WWP2: variants seen among roughly 807,000 people sequenced by gnomAD.
WWP2 encodes NEDD4-like E3 ubiquitin-protein ligase WWP2.
A neutral mutation model predicts 121.0 loss-of-function variants in WWP2; 57 were observed. That is an observed-to-expected ratio of 0.47 (90% CI 0.38 to 0.59). The LOEUF (loss-of-function observed/expected upper bound fraction) is 0.59, where lower values mean the gene tolerates loss of function less well. Ranked by LOEUF, WWP2 falls within the 20% of genes least tolerant of loss-of-function variation. The pLI is 0.00. For missense variants in WWP2, 962 were observed against 1,158.9 expected (o/e 0.83, Z 2.47); for synonymous variants, 449 against 441.3 (o/e 1.02, Z -0.22).
chr16:69,885,719 G>C (rs934134090), intron 7 of WWP2, among the ~76,000 whole-genome samples: 2 of 152,232 alleles, frequency 1.3e-5, no homozygotes. Context: ...ATGACCTTGA[G>C]AGGTGTTGTA....
intron 2 of WWP2, among the ~76,000 whole-genome samples, chr16:69,792,828 A>G (rs1445160928): frequency 6.6e-6 from 1 of 152,118 alleles, no homozygotes; most frequent in Non-Finnish European, 1.5e-5. Flanking sequence ...AGTAACTGGA[A>G]CTACAGGTGT....
At chr16:69,787,150 G>T (rs1315574374) in intron 2 of WWP2, 70 bp downstream of exon 2, 5 of 1,404,640 alleles carry the variant, frequency 3.6e-6, no homozygotes, top group Admixed American at 4.7e-5. Flanking sequence ...ACCACACCTT[G>T]GTCTGGGGAG....
At chr16:69,923,348 A>G (rs1473497088) in intron 10 of WWP2, among the ~76,000 whole-genome samples, 1 of 151,976 alleles carries the variant, frequency 6.6e-6, no homozygotes, top group African/African-American at 2.4e-5. Flanking sequence ...ATAGAATAAC[A>G]AACAGAGGAT....
At chr16:69,903,044 T>G (rs2058229642) in intron 8 of WWP2, among the ~76,000 whole-genome samples, 1 of 152,174 alleles carries the variant, frequency 6.6e-6, no homozygotes, top group South Asian at 2.1e-4. Flanking sequence ...AAAAAGGTGA[T>G]GGAAGAAAGG....
At chr16:69,827,920 T>C (rs1198180421) in intron 4 of WWP2, 1 of 455,996 alleles carries the variant, frequency 2.2e-6, no homozygotes, top group South Asian at 1.5e-5. Flanking sequence ...TAAAATATGC[T>C]ACGGCTTGAG....
chr16:69,935,973 A>G lies in WWP2; in HGVS notation c.1963A>G (p.Ile655Val). ...CATTGACCCTGAGTTCTACAACTCC[A>G]TTGTCTGGATCAAGTGAGTTCCCTG... ...ESIDPEFYNSIVWIKENNLEE... is the reference protein window; with the variant it reads ...ESIDPEFYNSVVWIKENNLEE... Residue 655 changes from isoleucine (I) to valine (V), a missense_variant, in exon 18 of 24, where the codon ATT becomes GTT. This residue lies in a region of WWP2 where 606 missense variants were observed against 772.6 expected (regional missense o/e 0.78). Transcript: ENST00000359154. The surrounding 1 kb of genome is among the most constrained non-coding windows in gnomAD (Gnocchi z 5.2). 1 of 1,613,986 alleles carries G rather than the reference A, an allele frequency of 6.2e-7. No homozygotes were observed. Among genetic ancestry groups the G allele is most frequent in the Non-Finnish European group, 8.5e-7 (1 of 1,179,972 alleles).
At position 69,799,411 on chromosome 16, in the gene WWP2, C is replaced by A; in HGVS notation, c.340+116C>A. 1.4e-6 allele frequency: 2 copies of A among 1,392,400 alleles called. No homozygotes were observed. The highest frequency in any genetic ancestry group is 1.9e-6 in the Non-Finnish European group (2 of 1,047,012). 86.3% of individuals were successfully genotyped at this position (1,392,400 alleles called of 1,614,324 possible). ...CTAGGGGCTGCAGTACCTCTGTTCT[C>A]CTTGGATGCTGTCTTTGGAGTTTTG... is the stretch of plus-strand genomic sequence containing the variant. On this transcript the variant is annotated intron_variant, in intron 4 of 23. Coordinates refer to ENST00000359154, the MANE Select transcript of WWP2 (RefSeq NM_001270454.2). This position sits in a 1 kb window ranked among gnomAD's most constrained non-coding sequence, Gnocchi z 4.5.
At chr16:69,801,712 A>G (rs529486811) in intron 4 of WWP2, among the ~76,000 whole-genome samples, 3 of 152,034 alleles carry the variant, frequency 2.0e-5, no homozygotes, top group African/African-American at 4.8e-5. Flanking sequence ...ATACCTGACT[A>G]CTGTTAACAT....
At chr16:69,810,762 T>C (rs2056376319) in intron 4 of WWP2, among the ~76,000 whole-genome samples, 2 of 150,542 alleles carry the variant, frequency 1.3e-5, no homozygotes, top group Non-Finnish European at 3.0e-5. Flanking sequence ...ATTTTCTTTT[T>C]TTTTTTTTTT....
At chr16:69,837,951 G>C (rs951372978) in intron 4 of WWP2, among the ~76,000 whole-genome samples, 3 of 152,106 alleles carry the variant, frequency 2.0e-5, no homozygotes, top group Non-Finnish European at 2.9e-5. Flanking sequence ...GCTAGGGCGC[G>C]GTGGCTCACT....
intron 6 of WWP2, among the ~76,000 whole-genome samples, chr16:69,862,660 A>G (rs1259837686): frequency 6.6e-6 from 1 of 151,082 alleles, no homozygotes; most frequent in Non-Finnish European, 1.5e-5. Flanking sequence ...CTCTTTTACC[A>G]AGATAGAAAA....
At chr16:69,902,382 A>G (rs1271831197) in intron 8 of WWP2, among the ~76,000 whole-genome samples, 1 of 152,212 alleles carries the variant, frequency 6.6e-6, no homozygotes, top group Non-Finnish European at 1.5e-5. Flanking sequence ...AATTTAGGGA[A>G]AGGAAAAAGT....
chr16:69,815,948 G>A (rs115563776), intron 4 of WWP2, among the ~76,000 whole-genome samples: 2,154 of 152,098 alleles, frequency 0.014, 50 homozygotes, highest in African/African-American at 0.046. Flanking sequence ...TGTAGAGTCA[G>A]GGTCTTACTA....
At chr16:69,829,945 T>A (rs1370359845) in intron 4 of WWP2, among the ~76,000 whole-genome samples, 1 of 132,144 alleles carries the variant, frequency 7.6e-6, no homozygotes. Context: ...CACACGCCAC[T>A]GCGCCCAGCT....
Position 69,937,277 on chromosome 16 carries a change from T to G in WWP2, c.2238+39T>G. Reference sequence around the variant, plus strand: ...GTTGCTGGGACCCTGAGCCCCTGCCTCTGGGGCGATCCTGCTCTGTGATAC... The same window carrying G: ...GTTGCTGGGACCCTGAGCCCCTGCCGCTGGGGCGATCCTGCTCTGTGATAC... On this transcript the variant is annotated intron_variant, in intron 20 of 23. Transcript: ENST00000359154. This position sits in a 1 kb window ranked among gnomAD's most constrained non-coding sequence, Gnocchi z 6.6. The G allele has an allele frequency of 6.2e-7, 1 of 1,609,118 alleles. No individual in the cohort carries two copies. Among genetic ancestry groups the G allele is most frequent in the Non-Finnish European group, 8.5e-7 (1 of 1,178,000 alleles).
chr16:69,829,775 A>G (rs1597015798), intron 4 of WWP2, among the ~76,000 whole-genome samples: 1 of 152,120 alleles, frequency 6.6e-6, no homozygotes, highest in East Asian at 1.9e-4. Flanking sequence ...AATTAATTGT[A>G]ACGTTCCTAA....
chr16:69,803,463 T>G (rs2056213953), intron 4 of WWP2, among the ~76,000 whole-genome samples: 1 of 152,202 alleles, frequency 6.6e-6, no homozygotes, highest in East Asian at 1.9e-4. Context: ...GTTCATAGTT[T>G]CACCATTTTT....
At chr16:69,895,931 T>G (rs1191962286) in intron 8 of WWP2, among the ~76,000 whole-genome samples, 1 of 152,212 alleles carries the variant, frequency 6.6e-6, no homozygotes, top group Non-Finnish European at 1.5e-5. Flanking sequence ...ATGGTTAGTT[T>G]GTGACTCTGC....
At chr16:69,766,764 C>G (rs1414136271) in intron 1 of WWP2, among the ~76,000 whole-genome samples, 1 of 152,036 alleles carries the variant, frequency 6.6e-6, no homozygotes, top group Non-Finnish European at 1.5e-5. Context: ...CTATATTTTA[C>G]TTTATTATTT....
Sources: allele counts gnomAD v4.1 joint callset (sites outside exome capture counted in the v4.1 genomes callset), GRCh38; gene constraint gnomAD v4.1.1; regional missense constraint gnomAD v4.1.1; non-coding constraint Gnocchi (gnomAD v3.1); transcripts MANE v1.5; gene names NCBI Gene and HGNC (gene_info 2026-07-23, HGNC 2026-07-21).